NTM: variants seen among roughly 807,000 people sequenced by gnomAD.
The protein encoded by NTM is IgLON family member 2.
NTM carries 13 observed loss-of-function variants against 42.1 expected under a neutral mutation model. That is an observed-to-expected ratio of 0.31 (90% CI 0.20 to 0.49). The LOEUF (loss-of-function observed/expected upper bound fraction) is 0.49. Among genes scored for constraint, NTM ranks in the 20% least tolerant of loss-of-function variants. The pLI, the probability that NTM is intolerant of heterozygous loss-of-function variation, is 0.99. For synonymous variants in NTM, 187 were observed against 179.2 expected, an observed-to-expected ratio of 1.04 and a Z score of -0.35; for missense variants, 373 against 452.8, an observed-to-expected ratio of 0.82 and a Z score of 1.60.
intron 1 of NTM, among the ~76,000 whole-genome samples, chr11:131,474,575 G>C (rs556683123): frequency 6.6e-6 from 1 of 152,078 alleles, no homozygotes; most frequent in African/African-American, 2.4e-5. Flanking sequence ...TATAGCTCCT[G>C]CTCTGCTTTC....
chr11:131,803,124 G>A (rs1244437660), intron 1 of NTM, among the ~76,000 whole-genome samples: 1 of 150,876 alleles, frequency 6.6e-6, no homozygotes, highest in Non-Finnish European at 1.5e-5. Flanking sequence ...CCTATGGCAG[G>A]AGGTCATCCT....
intron 2 of NTM, among the ~76,000 whole-genome samples, chr11:132,019,362 A>AGT (rs2073969268): frequency 6.6e-6 from 1 of 151,970 alleles, no homozygotes; most frequent in Non-Finnish European, 1.5e-5. Context: ...GTTGGTTGAT[A>AGT]GTGTTGCTCA....
chr11:131,856,389 A>C (rs1411009077), intron 1 of NTM, among the ~76,000 whole-genome samples: 1 of 152,180 alleles, frequency 6.6e-6, no homozygotes, highest in Non-Finnish European at 1.5e-5. Flanking sequence ...AATAATACTC[A>C]TTTCTTAATC....
chr11:131,501,405 C>T (rs117484189), intron 1 of NTM, among the ~76,000 whole-genome samples: 3,731 of 152,172 alleles, frequency 0.025, 72 homozygotes, highest in Non-Finnish European at 0.036. Context: ...GAGAATGTTC[C>T]AGCCAGGAGA....
intron 1 of NTM, among the ~76,000 whole-genome samples, chr11:131,566,881 A>G (rs574395259): frequency 6.6e-6 from 1 of 152,288 alleles, no homozygotes; most frequent in African/African-American, 2.4e-5. Context: ...TCAGTAGAAT[A>G]TCAATTGCCT....
chr11:132,315,008 A>G (rs1048359095), intron 7 of NTM: 4 of 1,138,928 alleles, frequency 3.5e-6, no homozygotes, highest in Non-Finnish European at 2.2e-6. Flanking sequence ...AAGAATGTTC[A>G]TGTTTCATTC....
At chr11:132,317,842 G>A (rs2095471329) in intron 7 of NTM, among the ~76,000 whole-genome samples, 1 of 152,134 alleles carries the variant, frequency 6.6e-6, no homozygotes, top group South Asian at 2.1e-4. Flanking sequence ...GGGAGCCAGG[G>A]AGACTTCAAG....
intron 1 of NTM, among the ~76,000 whole-genome samples, chr11:131,566,190 C>T (rs373441178): frequency 2.6e-5 from 4 of 152,072 alleles, no homozygotes; most frequent in African/African-American, 4.8e-5. Flanking sequence ...GCTTATGGTG[C>T]GAGAAGAAAT....
chr11:131,531,072 A>G (rs118086568), intron 1 of NTM, among the ~76,000 whole-genome samples: 1,823 of 152,296 alleles, frequency 0.012, 18 homozygotes, highest in Non-Finnish European at 0.019. Context: ...CACTTCATAG[A>G]TGAGAAAGCT....
chr11:131,430,735 G>A (rs1274381017), intron 1 of NTM, among the ~76,000 whole-genome samples: 3 of 152,250 alleles, frequency 2.0e-5, no homozygotes, highest in Non-Finnish European at 2.9e-5. Context: ...GGGCTGACAG[G>A]TCCTCTGCCC....
chr11:131,760,643 C>A (rs2084011514), intron 1 of NTM, among the ~76,000 whole-genome samples: 1 of 152,124 alleles, frequency 6.6e-6, no homozygotes, highest in Admixed American at 6.5e-5. Flanking sequence ...TAGAGATAAC[C>A]CTGCTGAGAC....
chr11:131,776,643 G>A (rs979765314), intron 1 of NTM, among the ~76,000 whole-genome samples: 9 of 151,930 alleles, frequency 5.9e-5, no homozygotes, highest in African/African-American at 1.9e-4. Flanking sequence ...TTAGGGTAAC[G>A]TTAGCTGCTG....
intron 2 of NTM, among the ~76,000 whole-genome samples, chr11:131,933,407 C>G (rs1324471385): frequency 1.3e-5 from 2 of 152,180 alleles, no homozygotes. Context: ...CTGGGAGTTC[C>G]ATGTGCCTGA....
chr11:131,575,284 A>G (rs1474311640), intron 1 of NTM, among the ~76,000 whole-genome samples: 1 of 152,216 alleles, frequency 6.6e-6, no homozygotes, highest in Non-Finnish European at 1.5e-5. Context: ...CACTTTAAAC[A>G]TCTTCTGTGA....
intron 2 of NTM, among the ~76,000 whole-genome samples, chr11:132,093,063 C>T (rs2060552241): frequency 1.3e-5 from 2 of 152,138 alleles, no homozygotes; most frequent in Non-Finnish European, 2.9e-5. Flanking sequence ...TTAGAAGTTT[C>T]CATTGGCATT....
intron 2 of NTM, among the ~76,000 whole-genome samples, chr11:132,038,742 G>A (rs1460358469): frequency 6.6e-6 from 1 of 152,146 alleles, no homozygotes; most frequent in Non-Finnish European, 1.5e-5. Flanking sequence ...AGGTGAGGAG[G>A]TCAGCCTCAA....
intron 2 of NTM, among the ~76,000 whole-genome samples, chr11:132,044,884 A>G (rs898218631): frequency 6.6e-6 from 1 of 152,166 alleles, no homozygotes; most frequent in African/African-American, 2.4e-5. Context: ...TGAGACAGAA[A>G]TAAATAGCCT....
At chr11:132,261,583 AC>A (rs1221812137) in intron 4 of NTM, among the ~76,000 whole-genome samples, 1 of 152,184 alleles carries the variant, frequency 6.6e-6, no homozygotes, top group African/African-American at 2.4e-5. Context: ...CATGTTCCAG[AC>A]CTAGTTAGAT....
intron 1 of NTM, among the ~76,000 whole-genome samples, chr11:131,784,545 G>T (rs1243073473): frequency 6.6e-6 from 1 of 152,158 alleles, no homozygotes; most frequent in African/African-American, 2.4e-5. Context: ...TAGAATAGGT[G>T]AAACCAAACT....
Sources: allele counts gnomAD v4.1 joint callset (sites outside exome capture counted in the v4.1 genomes callset), GRCh38; gene constraint gnomAD v4.1.1; transcripts MANE v1.5; gene names NCBI Gene and HGNC (gene_info 2026-07-23, HGNC 2026-07-21).